The following ATAD2B variants were observed in gnomAD, a reference collection of about 807,000 sequenced individuals.
ATAD2B encodes ATPase family AAA domain-containing protein 2B.
ATAD2B carries 40 observed loss-of-function variants against 167.6 expected under a neutral mutation model. The ratio of observed to expected loss-of-function variants is 0.24; its 90% confidence interval spans 0.19 to 0.31. ATAD2B has a LOEUF of 0.31. Among genes scored for constraint, ATAD2B ranks in the 10% least tolerant of loss-of-function variants. The probability of loss-of-function intolerance (pLI) is 1.00; values close to 1 mark genes in which losing one functional copy is unlikely to be tolerated. For synonymous variants in ATAD2B, 579 were observed against 596.5 expected (o/e 0.97, Z 0.43); for missense variants, 1,242 against 1,757.2 (o/e 0.71, Z 5.24).
At chr2:23,864,783 T>A (rs746155862) in intron 11 of ATAD2B, 26 bp downstream of exon 11, 4 of 1,127,094 alleles carry the variant, frequency 3.5e-6, no homozygotes, top group East Asian at 2.5e-5. Flanking sequence ...GTAATAACAA[T>A]AATAAACATC....
chr2:23,696,015 G>A, the ATAD2B span: 3 of 1,551,736 alleles, frequency 1.9e-6, no homozygotes, highest in Admixed American at 5.9e-5. This position sits in a 1 kb window ranked among gnomAD's most constrained non-coding sequence, Gnocchi z 5.5. Flanking sequence ...AGCGCTCGCT[G>A]GTGGCCGTCA....
chr2:23,778,278 ATAT>A (rs1321494713), intron 22 of ATAD2B, among the ~76,000 whole-genome samples: 1 of 152,332 alleles, frequency 6.6e-6, no homozygotes, highest in East Asian at 1.9e-4. Flanking sequence ...TTGTAGTAAA[ATAT>A]TATTATGCAC....
chr2:23,791,782 C>T (rs1436597041), intron 19 of ATAD2B, among the ~76,000 whole-genome samples: 1 of 152,158 alleles, frequency 6.6e-6, no homozygotes. Flanking sequence ...TTTCAACTAT[C>T]AATGGACACT....
At chr2:23,877,833 G>C (rs1196624874) in intron 7 of ATAD2B, among the ~76,000 whole-genome samples, 1 of 150,404 alleles carries the variant, frequency 6.6e-6, no homozygotes, top group Non-Finnish European at 1.5e-5. Flanking sequence ...ACTCCAGCCT[G>C]GGTGACAGAA....
intron 14 of ATAD2B, among the ~76,000 whole-genome samples, chr2:23,833,483 CATA>C (rs1689398315): frequency 6.6e-6 from 1 of 151,980 alleles, no homozygotes; most frequent in South Asian, 2.1e-4. Flanking sequence ...AACTTTATAC[CATA>C]ATGAATAAAG....
At chr2:23,745,417 G>GAAGGAAGA (rs1553367898), downstream of ATAD2B, among the ~76,000 whole-genome samples, 168 of 113,408 alleles carry the variant, frequency 1.5e-3, 2 homozygotes, top group African/African-American at 4.5e-3. Flanking sequence ...AGGAAGGAAG[G>GAAGGAAGA]AAGGAAAGGG....
downstream of ATAD2B, among the ~76,000 whole-genome samples, chr2:23,744,972 AT>A (rs1674749041): frequency 6.6e-6 from 1 of 152,156 alleles, no homozygotes; most frequent in Non-Finnish European, 1.5e-5. Flanking sequence ...GTATTCTACT[AT>A]TTAAAAATGT....
intron 18 of ATAD2B, among the ~76,000 whole-genome samples, chr2:23,805,163 G>T (rs956682689): frequency 6.7e-6 from 1 of 148,380 alleles, no homozygotes; most frequent in African/African-American, 2.5e-5. Flanking sequence ...AAAAAGAAAA[G>T]AAAAGAAAAT....
At chr2:23,735,850 C>T in the ATAD2B span, among the ~76,000 whole-genome samples, 1 of 152,194 alleles carries the variant, frequency 6.6e-6, no homozygotes, top group South Asian at 2.1e-4. Context: ...CTGAAGGTAA[C>T]TCTTGCTCCT....
chr2:23,771,417 T>C (rs917339443), intron 22 of ATAD2B, among the ~76,000 whole-genome samples: 3 of 152,204 alleles, frequency 2.0e-5, no homozygotes, highest in Admixed American at 2.0e-4. Context: ...ACTAGTATGA[T>C]GAGAAATGTA....
chr2:23,806,623 G>T (rs1284625549), intron 18 of ATAD2B, among the ~76,000 whole-genome samples: 1 of 151,884 alleles, frequency 6.6e-6, no homozygotes. Flanking sequence ...ATTATAATTA[G>T]AACTGTACTT....
chr2:23,687,170 G>C, the ATAD2B span, among the ~76,000 whole-genome samples: 1 of 152,202 alleles, frequency 6.6e-6, no homozygotes, highest in Non-Finnish European at 1.5e-5. Flanking sequence ...CTGCACTCTT[G>C]TAAGGGGAGG....
At chr2:23,877,234 G>T (rs1290723504) in intron 7 of ATAD2B, among the ~76,000 whole-genome samples, 1 of 151,616 alleles carries the variant, frequency 6.6e-6, no homozygotes, top group Non-Finnish European at 1.5e-5. Flanking sequence ...AACGCGGTAA[G>T]AACCCAACTC....
intron 17 of ATAD2B, among the ~76,000 whole-genome samples, chr2:23,818,507 G>A (rs1393825573): frequency 6.6e-6 from 1 of 151,872 alleles, no homozygotes; most frequent in Non-Finnish European, 1.5e-5. Flanking sequence ...CTTACAAAGA[G>A]TTTGCTATTA....
intron 1 of ATAD2B, among the ~76,000 whole-genome samples, chr2:23,910,681 A>G (rs1045849757): frequency 2.7e-5 from 4 of 150,406 alleles, no homozygotes; most frequent in Non-Finnish European, 4.4e-5. Context: ...CAGCCTGACC[A>G]ATATGATGAA....
chr2:23,810,277 TAAGA>T, intron 18 of ATAD2B, 35 bp downstream of exon 18: 1 of 1,540,996 alleles, frequency 6.5e-7, no homozygotes, highest in South Asian at 1.2e-5. Context: ...TTATAAGCAA[TAAGA>T]AAGTTGGAAG....
the ATAD2B span, among the ~76,000 whole-genome samples, chr2:23,739,348 G>C: frequency 1.3e-5 from 2 of 151,854 alleles, no homozygotes; most frequent in African/African-American, 4.8e-5. Context: ...ATAACAAACT[G>C]TCTCTCAGAC....
At chr2:23,745,414 AAGG>A (rs1220181877), downstream of ATAD2B, among the ~76,000 whole-genome samples, 24 of 108,448 alleles carry the variant, frequency 2.2e-4, no homozygotes, top group Non-Finnish European at 3.1e-4. Flanking sequence ...GGAAGGAAGG[AAGG>A]AAGGAAAGGG....
chr2:23,739,127 A>G, the ATAD2B span, among the ~76,000 whole-genome samples: 2 of 152,236 alleles, frequency 1.3e-5, no homozygotes, highest in South Asian at 2.1e-4. Flanking sequence ...CACTGTCAAC[A>G]TTAGACAGAT....
Sources: gnomAD v4.1 joint callset for allele counts (sites outside exome capture counted in the v4.1 genomes callset) on GRCh38, gnomAD v4.1.1 for gene constraint, Gnocchi (gnomAD v3.1) non-coding constraint, MANE v1.5 for transcripts, NCBI Gene and HGNC (gene_info 2026-07-23, HGNC 2026-07-21) for gene names.